MMAA: variants seen among roughly 807,000 people sequenced by gnomAD.
MMAA encodes the protein metabolism of cobalamin associated A.
In MMAA, 41 loss-of-function variants were observed where a neutral mutation model predicts 45.0. The ratio of observed to expected loss-of-function variants is 0.91; its 90% CI spans 0.71 to 1.18. The LOEUF is 1.18. MMAA is among the 50% of genes most tolerant of loss of function. The pLI, the probability that MMAA is intolerant of heterozygous loss-of-function variation, is 0.00. For synonymous variants in MMAA, 154 were observed against 178.2 expected (o/e 0.86, Z 1.08); for missense variants, 460 against 495.7 (o/e 0.93, Z 0.68).
At chr4:145,648,709 G>A (rs1025723465) in intron 4 of MMAA, among the ~76,000 whole-genome samples, 2 of 152,184 alleles carry the variant, frequency 1.3e-5, no homozygotes, top group African/African-American at 4.8e-5. Flanking sequence ...CCTAGAGCGG[G>A]CATTGTGGCC....
Position 145,658,765 on chromosome 4 carries a change from A to T in MMAA, c.*3331A>T, listed in dbSNP as rs1728305768. Reference sequence around the variant, plus strand: ...TGCTCACCAGGTAGACTGCCATCATAGAAGTCCTAATGCTACTGCTAAAAA... The same window carrying T: ...TGCTCACCAGGTAGACTGCCATCATTGAAGTCCTAATGCTACTGCTAAAAA... On this transcript the variant is annotated 3_prime_UTR_variant, in exon 7 of 7. Transcript: ENST00000649156. 6.6e-6 allele frequency: 1 copy of T among 152,172 alleles called. No individual in the cohort carries two copies. The highest frequency in any genetic ancestry group is 2.4e-5 in the African/African-American group (1 of 41,434). The allele number at this position is 152,172 out of a possible 1,614,324, so 9.4% of individuals were successfully genotyped here.
Position 145,658,295 on chromosome 4 carries a change from A to G in MMAA, c.*2861A>G, listed in dbSNP as rs1728289897. 1 of 152,224 alleles carries G rather than the reference A, an allele frequency of 6.6e-6. No individual in the cohort carries two copies. 9.4% of individuals were successfully genotyped at this position (152,224 alleles called of 1,614,324 possible). On this transcript the variant is annotated 3_prime_UTR_variant, in exon 7 of 7. Transcript: ENST00000649156. ...TACAGGTGCTAAATACATATCTGACAATAAATGGTAGTTATCTCTTAGAAC... is the reference window on the plus strand; with the variant it reads ...TACAGGTGCTAAATACATATCTGACGATAAATGGTAGTTATCTCTTAGAAC...
chr4:145,633,196 C>T lies in MMAA; in HGVS notation c.-65-5879C>T, dbSNP rs373041209. ...CTTGTGGTATCTTGAATTTCTTTTTCTTTTTTTTTTTTTTTTTTTTTGAGA... is the reference window on the plus strand; with the variant it reads ...CTTGTGGTATCTTGAATTTCTTTTTTTTTTTTTTTTTTTTTTTTTTTGAGA... On this transcript the variant is annotated intron_variant, in intron 1 of 6. Coordinates refer to ENST00000649156, the MANE Select transcript of MMAA (RefSeq NM_172250.3). Among the ~76,000 whole-genome samples, 362 of 88,404 alleles carry T rather than the reference C, an allele frequency of 4.1e-3. 2 individuals are homozygous for T. The highest frequency in any genetic ancestry group is 0.012 in the African/African-American group (243 of 20,132). The allele number at this position is 88,404 out of a possible 152,430, so 58.0% of individuals were successfully genotyped here.
chr4:145,628,329 G>T (rs1217420454), intron 1 of MMAA, among the ~76,000 whole-genome samples: 4 of 152,168 alleles, frequency 2.6e-5, no homozygotes, highest in African/African-American at 9.7e-5. Context: ...TTATCTTACA[G>T]TTCTATTGGT....
At chr4:145,654,339 G>T (rs980470081) in intron 6 of MMAA, among the ~76,000 whole-genome samples, 196 bp downstream of exon 6, 17 of 152,138 alleles carry the variant, frequency 1.1e-4, no homozygotes, top group Admixed American at 1.1e-3. Flanking sequence ...TCAAAAACTA[G>T]ATCAGAGATG....
At chr4:145,623,018 A>G (rs36064471) in intron 1 of MMAA, among the ~76,000 whole-genome samples, 5,207 of 152,322 alleles carry the variant, frequency 0.034, 111 homozygotes, top group Non-Finnish European at 0.054. Flanking sequence ...GAGAATTTAA[A>G]AACATTATAA....
intron 1 of MMAA, chr4:145,624,484 T>C (rs1011770051): frequency 4.3e-6 from 4 of 940,774 alleles, no homozygotes. Flanking sequence ...TTCTTAGGAC[T>C]TCCTTCTTTG....
intron 4 of MMAA, among the ~76,000 whole-genome samples, chr4:145,648,854 C>T (rs2126625493): frequency 6.6e-6 from 1 of 152,148 alleles, no homozygotes; most frequent in South Asian, 2.1e-4. Context: ...GGCATGGTGG[C>T]ATGCACCTGT....
rs1728322350 is a variant in MMAA at position 145,659,153 on chromosome 4, G to A, written c.*3719G>A. 6.6e-6 allele frequency: 1 copy of A among 152,054 alleles called. No individual in the cohort carries two copies. Among genetic ancestry groups the A allele is most frequent in the African/African-American group, 2.4e-5 (1 of 41,408 alleles). The allele number at this position is 152,054 out of a possible 1,614,324, so 9.4% of individuals were successfully genotyped here. On this transcript the variant is annotated 3_prime_UTR_variant, in exon 7 of 7. Coordinates refer to ENST00000649156, the MANE Select transcript of MMAA (RefSeq NM_172250.3). ...TTTAACAAATGTTTTTCTTTCCGTA[G>A]TATTTTAATTAAAATTTTTAAAATT...
At chr4:145,650,853 G>T in intron 4 of MMAA, 1 of 590,992 alleles carries the variant, frequency 1.7e-6, no homozygotes, top group Non-Finnish European at 3.0e-6. Flanking sequence ...AGAACGGAGC[G>T]GGAGAGCTGG....
chr4:145,652,876 T>G (rs1728135725), intron 5 of MMAA, among the ~76,000 whole-genome samples: 1 of 148,240 alleles, frequency 6.7e-6, no homozygotes, highest in Non-Finnish European at 1.5e-5. Context: ...AATTTTTTCC[T>G]TTTTTTTTTC....
intron 1 of MMAA, among the ~76,000 whole-genome samples, chr4:145,630,468 C>G (rs747328118): frequency 4.6e-5 from 7 of 152,126 alleles, no homozygotes; most frequent in Admixed American, 3.3e-4. Flanking sequence ...GTGGCTAACA[C>G]CTGTAATCCC....
intron 1 of MMAA, among the ~76,000 whole-genome samples, chr4:145,620,399 C>T (rs368128385): frequency 5.9e-5 from 9 of 152,270 alleles, no homozygotes; most frequent in Admixed American, 1.3e-4. Context: ...GGTGAATGCT[C>T]GAAACATTTA....
intron 1 of MMAA, among the ~76,000 whole-genome samples, chr4:145,626,874 C>T (rs1734215826): frequency 6.6e-6 from 1 of 152,146 alleles, no homozygotes; most frequent in Admixed American, 6.5e-5. Context: ...TGGGGGGAAG[C>T]AAGAAAATTA....
chr4:145,646,422 A>G, intron 4 of MMAA: 1 of 425,026 alleles, frequency 2.4e-6, no homozygotes, highest in Non-Finnish European at 4.3e-6. Context: ...AACTGTAAAC[A>G]TTAGGATGAT....
At chr4:145,651,168 C>A in intron 5 of MMAA, 21 bp downstream of exon 5, 2 of 1,593,532 alleles carry the variant, frequency 1.3e-6, no homozygotes, top group Non-Finnish European at 1.7e-6. Flanking sequence ...TTATTTTTTC[C>A]CCCAAAAATA....
chr4:145,655,756 G>C lies in MMAA; in HGVS notation c.*322G>C, dbSNP rs1206379796. The C allele has an allele frequency of 5.2e-6, 1 of 191,558 alleles. No individual in the cohort carries two copies. The highest frequency in any genetic ancestry group is 2.4e-5 in the African/African-American group (1 of 42,496). 11.9% of individuals were successfully genotyped at this position (191,558 alleles called of 1,614,324 possible). ...CAGAAAATATCTTGCACTTTAAAAT[G>C]CTTATTTTGATTCCATATTATCTGA... On this transcript the variant is annotated 3_prime_UTR_variant, in exon 7 of 7. Coordinates refer to ENST00000649156, the MANE Select transcript of MMAA (RefSeq NM_172250.3).
At chr4:145,650,068 C>T (rs1475548844) in intron 4 of MMAA, among the ~76,000 whole-genome samples, 5 of 152,198 alleles carry the variant, frequency 3.3e-5, no homozygotes, top group South Asian at 2.1e-4. Flanking sequence ...TTTCCAGAAA[C>T]GAGTATTTTA....
Position 145,639,187 on chromosome 4 carries a change from T to C in MMAA, c.48T>C (p.Leu16=). 6.2e-7 allele frequency: 1 copy of C among 1,614,192 alleles called. No individual in the cohort carries two copies. The highest frequency in any genetic ancestry group is 1.1e-5 in the South Asian group (1 of 91,074). ...PHPHQHFLKG[L]LRAPFRCYHF... ...CTCACCAGCATTTCCTAAAAGGCCT[T>C]TTAAGAGCACCTTTCCGATGTTACC... The change falls in exon 2 of 7, where the codon CTT becomes CTC. Residue 16 remains leucine, a synonymous_variant. Coordinates refer to ENST00000649156, the MANE Select transcript of MMAA (RefSeq NM_172250.3).
Sources: allele counts gnomAD v4.1 joint callset (sites outside exome capture counted in the v4.1 genomes callset), GRCh38; gene constraint gnomAD v4.1.1; transcripts MANE v1.5; gene names NCBI Gene and HGNC (gene_info 2026-07-23, HGNC 2026-07-21).